ZNF33B: variants seen among roughly 807,000 people sequenced by gnomAD.
The protein encoded by ZNF33B is zinc finger protein 11b (KOX 2).
ZNF33B carries 29 observed loss-of-function variants against 45.8 expected under a neutral mutation model. That is an observed-to-expected ratio of 0.63 (90% CI 0.47 to 0.86). The LOEUF (loss-of-function observed/expected upper bound fraction) is 0.86. Ranked by LOEUF, ZNF33B falls within the 40% of genes least tolerant of loss-of-function variation. The probability of loss-of-function intolerance (pLI) is 0.00; values close to 1 mark genes in which losing one functional copy is unlikely to be tolerated. For missense variants in ZNF33B, 831 were observed against 909.9 expected, an observed-to-expected ratio of 0.91 and a Z score of 1.12; for synonymous variants, 305 against 307.8, an observed-to-expected ratio of 0.99 and a Z score of 0.10.
At position 42,594,415 on chromosome 10, in the gene ZNF33B, T is replaced by C. The variant is rs757963758; in HGVS notation, c.535A>G (p.Asn179Asp). The C allele has an allele frequency of 1.2e-6, 2 of 1,613,746 alleles. No homozygotes were observed. Among genetic ancestry groups the C allele is most frequent in the Non-Finnish European group, 1.7e-6 (2 of 1,179,806 alleles). Residue 179 changes from asparagine to aspartate, a missense_variant, in exon 5 of 5, where the codon AAT becomes GAT. Physicochemically the swap from Asn to Asp is conservative, Grantham distance 23 (BLOSUM62 1). Coordinates refer to ENST00000359467, the MANE Select transcript of ZNF33B (RefSeq NM_006955.3). ...EFNACGKLLL[N>D]IKHDETHTRE... is the part of the protein sequence containing the mutation. ...GTATGAGTTTCATCATGCTTAATAT[T>C]GAGTAACAATTTCCCACATGCATTA...
intron 4 of ZNF33B, among the ~76,000 whole-genome samples, chr10:42,599,230 C>A (rs1255643103): frequency 6.6e-6 from 1 of 151,938 alleles, no homozygotes; most frequent in African/African-American, 2.4e-5. Context: ...TCCATTTTAT[C>A]GATCTTCTCA....
intron 1 of ZNF33B, among the ~76,000 whole-genome samples, chr10:42,581,327 G>C (rs755412868): frequency 6.6e-6 from 1 of 151,828 alleles, no homozygotes; most frequent in Admixed American, 6.6e-5. Flanking sequence ...AGCCAGGCGT[G>C]GTGGTATCTG....
chr10:42,579,184 T>C (rs1051650061), intron 1 of ZNF33B, among the ~76,000 whole-genome samples: 7 of 152,194 alleles, frequency 4.6e-5, no homozygotes, highest in African/African-American at 1.7e-4. Context: ...CACCTTTATC[T>C]TTTTTTGACA....
At chr10:42,585,443 C>A (rs555633771), downstream of ZNF33B, among the ~76,000 whole-genome samples, 1 of 152,324 alleles carries the variant, frequency 6.6e-6, no homozygotes, top group South Asian at 2.1e-4. Context: ...CAGGCTAATG[C>A]AGAGAAAATG....
intron 1 of ZNF33B, among the ~76,000 whole-genome samples, chr10:42,576,469 C>T (rs1459835524): frequency 5.3e-5 from 8 of 152,150 alleles, no homozygotes; most frequent in African/African-American, 1.4e-4. Flanking sequence ...GCATCTCCTG[C>T]TCAAGATAGA....
rs1048841 is a variant in ZNF33B at position 42,589,948 on chromosome 10, T to A, written c.*2665A>T. ...TAGGGTTTTTTGTAGTAGTTCTTTA[T>A]CAAATTGAGTAAGTTCTCCTGTATT... On this transcript the variant is annotated 3_prime_UTR_variant, in exon 5 of 5. Coordinates refer to ENST00000359467, the MANE Select transcript of ZNF33B (RefSeq NM_006955.3). The A allele has an allele frequency of 6.6e-6, 1 of 152,224 alleles. No individual in the cohort carries two copies. The highest frequency in any genetic ancestry group is 2.4e-5 in the African/African-American group (1 of 41,456). 9.4% of individuals were successfully genotyped at this position (152,224 alleles called of 1,614,324 possible).
intron 4 of ZNF33B, chr10:42,631,681 G>T (rs1321141235): frequency 2.5e-6 from 1 of 397,216 alleles, no homozygotes; most frequent in Admixed American, 4.1e-5. Context: ...AAGTTGAGGT[G>T]GGCAAAGACT....
chr10:42,594,411 A>C lies in ZNF33B; in HGVS notation c.539T>G (p.Ile180Ser). Reference protein sequence around the residue: ...FNACGKLLLNIKHDETHTREK... With the variant: ...FNACGKLLLNSKHDETHTREK... ...TCGAGTATGAGTTTCATCATGCTTA[A>C]TATTGAGTAACAATTTCCCACATGC... is the stretch of plus-strand genomic sequence containing the variant. Residue 180 changes from isoleucine (I) to serine (S), a missense_variant, in exon 5 of 5, where the codon ATT (isoleucine) becomes AGT (serine). Physicochemically the swap from Ile to Ser is moderately radical, Grantham distance 142. Coordinates refer to ENST00000359467, the MANE Select transcript of ZNF33B (RefSeq NM_006955.3). 2 of 1,613,788 alleles carry C rather than the reference A, an allele frequency of 1.2e-6. No homozygotes were observed. The highest frequency in any genetic ancestry group is 1.7e-6 in the Non-Finnish European group (2 of 1,179,816).
intron 4 of ZNF33B, among the ~76,000 whole-genome samples, chr10:42,607,643 T>A (rs1158518135): frequency 6.6e-6 from 1 of 152,182 alleles, no homozygotes; most frequent in Non-Finnish European, 1.5e-5. Context: ...CAACTACAGA[T>A]GCTCCTTGAC....
chr10:42,575,886 C>G (rs972389015), intron 1 of ZNF33B, among the ~76,000 whole-genome samples: 12 of 150,040 alleles, frequency 8.0e-5, no homozygotes, highest in African/African-American at 2.7e-4. Flanking sequence ...AGCGCCACCA[C>G]GCCTGGCTAA....
At chr10:42,601,465 CTTG>C (rs1837613434) in intron 4 of ZNF33B, among the ~76,000 whole-genome samples, 1 of 135,398 alleles carries the variant, frequency 7.4e-6, no homozygotes, top group East Asian at 2.2e-4. Context: ...CTCACATGGG[CTTG>C]TTTTTTTTTT....
intron 1 of ZNF33B, among the ~76,000 whole-genome samples, chr10:42,577,132 CAAAAA>C (rs71014272): frequency 1.1e-4 from 9 of 81,650 alleles, no homozygotes; most frequent in African/African-American, 4.1e-4. Context: ...GACTCCATCT[CAAAAA>C]AAAAAAAAAA....
intron 4 of ZNF33B, among the ~76,000 whole-genome samples, chr10:42,623,631 CACAGAG>C (rs1231271847): frequency 6.6e-6 from 1 of 152,116 alleles, no homozygotes; most frequent in Non-Finnish European, 1.5e-5. Flanking sequence ...ATTCAAAACT[CACAGAG>C]ACAAACTAGA....
chr10:42,636,600 T>C (rs1201851505), intron 2 of ZNF33B, among the ~76,000 whole-genome samples: 1 of 152,170 alleles, frequency 6.6e-6, no homozygotes, highest in African/African-American at 2.4e-5. Flanking sequence ...GGCGGGCGGA[T>C]TGCCTGAGCT....
chr10:42,620,124 G>A (rs1397856728), intron 4 of ZNF33B, among the ~76,000 whole-genome samples: 3 of 150,804 alleles, frequency 2.0e-5, no homozygotes, highest in African/African-American at 7.3e-5. Context: ...GCTGCGGCAT[G>A]AGAATTGCTT....
intron 4 of ZNF33B, among the ~76,000 whole-genome samples, chr10:42,627,753 A>G (rs1838872837): frequency 6.6e-6 from 1 of 152,170 alleles, no homozygotes; most frequent in Admixed American, 6.5e-5. Context: ...CATTTCTACT[A>G]TTAAATTTGA....
rs1837168929 is a variant in ZNF33B at position 42,592,452 on chromosome 10, T to C, written c.*161A>G. ...AACAAAAGCCATCCTATAGTTGTTG[T>C]AGTCTATGGGTTTATCCCCTACTGT... On this transcript the variant is annotated 3_prime_UTR_variant, in exon 5 of 5. Transcript: ENST00000359467. The C allele has an allele frequency of 9.7e-7, 1 of 1,032,832 alleles. No individual in the cohort carries two copies. 64.0% of individuals were successfully genotyped at this position (1,032,832 alleles called of 1,614,324 possible). A position where few individuals can be genotyped will look rare whatever the true frequency, so the allele number is the denominator to read the frequency against.
In ZNF33B at chr10:42,592,811, C is replaced by T; in HGVS notation, c.2139G>A (p.Arg713=). Residue 713 remains arginine (R), a synonymous_variant, in exon 5 of 5, where the codon AGG becomes AGA. Transcript: ENST00000359467. ...SHKSSLTVHH[R]AHTGEKSCQC... ...GACAAGATTTCTCTCCTGTGTGAGC[C>T]CTGTGATGTACTGTGAGTGATGATT... 6.2e-7 allele frequency: 1 copy of T among 1,613,992 alleles called. No homozygotes were observed. Among genetic ancestry groups the T allele is most frequent in the Non-Finnish European group, 8.5e-7 (1 of 1,179,976 alleles).
At chr10:42,626,727 T>A (rs371335754) in intron 4 of ZNF33B, among the ~76,000 whole-genome samples, 1 of 131,644 alleles carries the variant, frequency 7.6e-6, no homozygotes, top group Non-Finnish European at 1.7e-5. Context: ...ATAAATAAAA[T>A]AAAGAAATGT....
Sources: allele counts gnomAD v4.1 joint callset (sites outside exome capture counted in the v4.1 genomes callset), GRCh38; gene constraint gnomAD v4.1.1; transcripts MANE v1.5; gene names NCBI Gene and HGNC (gene_info 2026-07-23, HGNC 2026-07-21).